The following FLI1 variants were observed in gnomAD, a reference collection of about 807,000 sequenced individuals.
The protein encoded by FLI1 is Friend leukemia integration 1 transcription factor.
FLI1 carries 13 observed loss-of-function variants against 53.1 expected under a neutral mutation model. The observed-to-expected ratio is 0.24, with a 90% CI of 0.16 to 0.39. The LOEUF (loss-of-function observed/expected upper bound fraction) is 0.39, where lower values mean the gene tolerates loss of function less well. Ranked by LOEUF, FLI1 falls within the 10% of genes least tolerant of loss-of-function variation. FLI1 has a pLI of 1.00. For missense variants in FLI1, 424 were observed against 600.5 expected (o/e 0.71, Z 3.07); for synonymous variants, 244 against 236.7 (o/e 1.03, Z -0.28).
At chr11:128,807,158 A>G (rs1942803189) in intron 6 of FLI1, 22 bp from the exon 7 acceptor site, 5 of 1,574,786 alleles carry the variant, frequency 3.2e-6, no homozygotes, top group Non-Finnish European at 4.3e-6. Context: ...TACTCACTGC[A>G]TTTCTTTCCC....
intron 1 of FLI1, among the ~76,000 whole-genome samples, chr11:128,744,256 G>A (rs565718601): frequency 6.6e-5 from 10 of 152,308 alleles, no homozygotes; most frequent in South Asian, 2.1e-4. Flanking sequence ...AGCATAAAGC[G>A]GAACTGTTCC....
Position 128,777,140 on chromosome 11 carries a change from C to T in FLI1, c.589+4155C>T, listed in dbSNP as rs555383590. On this transcript the variant is annotated intron_variant, in intron 4 of 8. Coordinates refer to ENST00000527786, the MANE Select transcript of FLI1 (RefSeq NM_002017.5). Reference sequence around the variant, plus strand: ...AGCTGCTGCGGGAACGAGATTTGTCCCTTCTCAGGCCAAGGCGGGGAAGGA... The same window carrying T: ...AGCTGCTGCGGGAACGAGATTTGTCTCTTCTCAGGCCAAGGCGGGGAAGGA... 1.2e-4 allele frequency among the ~76,000 whole-genome samples: 18 copies of T among 152,306 alleles called. No individual in the cohort carries two copies. The East Asian group carries it at 2.7e-3, about 23-fold the overall frequency.
At chr11:128,690,400 CT>C (rs1937689236), upstream of FLI1, among the ~76,000 whole-genome samples, 1 of 152,296 alleles carries the variant, frequency 6.6e-6, no homozygotes, top group South Asian at 2.1e-4. Context: ...GGAGCCACCC[CT>C]GGGTCTGTTA....
intron 1 of FLI1, among the ~76,000 whole-genome samples, chr11:128,736,765 T>C (rs1415739368): frequency 6.6e-6 from 1 of 152,234 alleles, no homozygotes; most frequent in Non-Finnish European, 1.5e-5. Context: ...TCTGCTATAG[T>C]AGTATTTGCA....
chr11:128,772,549 G>A (rs566094001), intron 3 of FLI1, among the ~76,000 whole-genome samples: 1 of 152,328 alleles, frequency 6.6e-6, no homozygotes, highest in Admixed American at 6.5e-5. Context: ...AGAGTGCTCT[G>A]TCAGGATACG....
chr11:128,697,735 A>G (rs1241630718), intron 1 of FLI1, among the ~76,000 whole-genome samples: 1 of 152,218 alleles, frequency 6.6e-6, no homozygotes, highest in Non-Finnish European at 1.5e-5. Flanking sequence ...ACAGGTCCAA[A>G]TTTACCATCA....
intron 5 of FLI1, among the ~76,000 whole-genome samples, chr11:128,797,686 A>T (rs753170760): frequency 2.0e-5 from 3 of 152,214 alleles, no homozygotes; most frequent in Non-Finnish European, 4.4e-5. Flanking sequence ...GTAGACATTC[A>T]GTAAAACATT....
At chr11:128,693,941 CGAGAGAGA>C (rs57930585), upstream of FLI1, 9,501 of 174,414 alleles carry the variant, frequency 0.054, 103 homozygotes, top group East Asian at 0.096. Flanking sequence ...GAGCTCGAGG[CGAGAGAGA>C]GAGAGAGAGA....
At chr11:128,698,806 C>T (rs539745908) in intron 1 of FLI1, among the ~76,000 whole-genome samples, 64 of 151,916 alleles carry the variant, frequency 4.2e-4, no homozygotes, top group South Asian at 3.9e-3. Flanking sequence ...ACTAAAGACA[C>T]CTCTGGTATT....
chr11:128,773,613 A>G (rs563682363), intron 4 of FLI1, among the ~76,000 whole-genome samples: 7 of 149,604 alleles, frequency 4.7e-5, no homozygotes, highest in African/African-American at 1.2e-4. Flanking sequence ...GCAGTTGTCC[A>G]AGAGATTTAT....
At chr11:128,698,099 G>A (rs1177052207) in intron 1 of FLI1, among the ~76,000 whole-genome samples, 2 of 152,142 alleles carry the variant, frequency 1.3e-5, no homozygotes, top group African/African-American at 2.4e-5. Context: ...CGAAAGAAGG[G>A]CCAGGGTTAT....
At position 128,758,167 on chromosome 11, in the gene FLI1, G is replaced by A. The variant is rs1355289095; in HGVS notation, c.71G>A (p.Gly24Glu). The A allele has an allele frequency of 6.2e-7, 1 of 1,613,558 alleles. No individual in the cohort carries two copies. The highest frequency in any genetic ancestry group is 1.7e-5 in the Admixed American group (1 of 59,962). Reference protein sequence around the residue: ...DDQSLFDSAYGAAAHLPKADM... With the variant: ...DDQSLFDSAYEAAAHLPKADM... ...CAGTCCCTCTTTGACTCAGCGTACG[G>A]AGCGGCAGCCCATCTCCCCAAGGCC... The change falls in exon 2 of 9, where the codon GGA (glycine) becomes GAA (glutamate). Residue 24 changes from glycine (G) to glutamate (E), a missense_variant. This residue lies in a region of FLI1 where 137 missense variants were observed against 169.1 expected (regional missense o/e 0.81). Transcript: ENST00000527786.
intron 1 of FLI1, among the ~76,000 whole-genome samples, chr11:128,756,913 C>T (rs1401021502): frequency 1.3e-5 from 2 of 152,004 alleles, no homozygotes; most frequent in Non-Finnish European, 2.9e-5. Context: ...GTTGTTGTTT[C>T]GAGACTGTCG....
At chr11:128,758,454 C>G (rs574563701) in intron 2 of FLI1, 128 bp downstream of exon 2, 16 of 746,704 alleles carry the variant, frequency 2.1e-5, no homozygotes, top group Non-Finnish European at 2.7e-5. Flanking sequence ...AAGCCTGTGT[C>G]AGTCCCTAGA....
At chr11:128,703,876 G>T (rs1270963972) in intron 1 of FLI1, among the ~76,000 whole-genome samples, 1 of 141,578 alleles carries the variant, frequency 7.1e-6, no homozygotes, top group African/African-American at 2.6e-5. Context: ...AACGTTAAGA[G>T]AGACACAGAA....
chr11:128,777,091 G>C (rs980924761), intron 4 of FLI1, among the ~76,000 whole-genome samples: 2 of 152,152 alleles, frequency 1.3e-5, no homozygotes, highest in African/African-American at 4.8e-5. Flanking sequence ...GACACACCCC[G>C]TGTGGCAGAG....
intron 4 of FLI1, among the ~76,000 whole-genome samples, chr11:128,776,616 A>C (rs1462877490): frequency 3.9e-5 from 6 of 152,136 alleles, no homozygotes; most frequent in Non-Finnish European, 5.9e-5. Context: ...GCACCACCGC[A>C]CTCTGGCCTG....
chr11:128,719,169 GGA>G (rs1939144697), intron 1 of FLI1, among the ~76,000 whole-genome samples: 1 of 152,026 alleles, frequency 6.6e-6, no homozygotes, highest in African/African-American at 2.4e-5. Context: ...GCATTTTGGT[GGA>G]GAGTCCAGGC....
upstream of FLI1, among the ~76,000 whole-genome samples, chr11:128,690,075 C>G (rs1044707448): frequency 6.6e-6 from 1 of 152,250 alleles, no homozygotes; most frequent in Admixed American, 6.5e-5. Context: ...CATCCAGGGG[C>G]GGCTTGAGCT....
Sources: gnomAD v4.1 joint callset for allele counts (sites outside exome capture counted in the v4.1 genomes callset) on GRCh38, gnomAD v4.1.1 for gene constraint, gnomAD v4.1.1 regional missense constraint, MANE v1.5 for transcripts, NCBI Gene and HGNC (gene_info 2026-07-23, HGNC 2026-07-21) for gene names.